The following PCDHGB3 variants were observed in gnomAD, a reference collection of about 807,000 sequenced individuals.
PCDHGB3 encodes protocadherin gamma subfamily B, 3.
In PCDHGB3, 40 loss-of-function variants were observed where a neutral mutation model predicts 59.2. That is an observed-to-expected ratio of 0.68 (90% confidence interval 0.52 to 0.88). The LOEUF is 0.88. PCDHGB3 is among the 40% of genes least tolerant of loss of function. The pLI, the probability that PCDHGB3 is intolerant of heterozygous loss-of-function variation, is 0.00. For synonymous variants in PCDHGB3, 581 were observed against 503.6 expected, an observed-to-expected ratio of 1.15 and a Z score of -2.06; for missense variants, 1,309 against 1,187.9, an observed-to-expected ratio of 1.10 and a Z score of -1.50.
At position 141,493,026 on chromosome 5, in the gene PCDHGB3, C is replaced by G. The variant is rs73280358; in HGVS notation, c.2416-1781C>G. Reference sequence around the variant, plus strand: ...TAGGCTCTGCCAGATGCCAGGGTGCCCTTATGTGTGAGGAAACTACAATAG... The same window carrying G: ...TAGGCTCTGCCAGATGCCAGGGTGCGCTTATGTGTGAGGAAACTACAATAG... On this transcript the variant is annotated intron_variant, in intron 1 of 3. Coordinates refer to ENST00000576222, the MANE Select transcript of PCDHGB3 (RefSeq NM_018924.5). This position sits in a 1 kb window ranked among gnomAD's most constrained non-coding sequence, Gnocchi z 4.3. 0.039 allele frequency among the ~76,000 whole-genome samples: 5,923 copies of G among 152,298 alleles called. 150 individuals are homozygous for G. The highest frequency in any genetic ancestry group is 0.077 in the South Asian group (370 of 4,822).
chr5:141,493,340 T>C lies in PCDHGB3; in HGVS notation c.2416-1467T>C, dbSNP rs889623993. Among the ~76,000 whole-genome samples, 1 of 152,202 alleles carries C rather than the reference T, an allele frequency of 6.6e-6. No homozygotes were observed. Among genetic ancestry groups the C allele is most frequent in the Admixed American group, 6.5e-5 (1 of 15,288 alleles). Reference sequence around the variant, plus strand: ...TTCTAACCCCTGTCTAACTCCAGAATGTGTGCTTTTAATTTCTTGGCACTT... The same window carrying C: ...TTCTAACCCCTGTCTAACTCCAGAACGTGTGCTTTTAATTTCTTGGCACTT... On this transcript the variant is annotated intron_variant, in intron 1 of 3. Coordinates refer to ENST00000576222, the MANE Select transcript of PCDHGB3 (RefSeq NM_018924.5). The surrounding 1 kb of genome is among the most constrained non-coding windows in gnomAD (Gnocchi z 4.3).
chr5:141,477,747 C>A lies in PCDHGB3; in HGVS notation c.2416-17060C>A. ...ACAGCTCATATCAGCGATGGGGGCA[C>A]CCCGGTCCTAGCCACCAACATCAGC... On this transcript the variant is annotated intron_variant, in intron 1 of 3. Coordinates refer to ENST00000576222, the MANE Select transcript of PCDHGB3 (RefSeq NM_018924.5). The surrounding 1 kb of genome is among the most constrained non-coding windows in gnomAD (Gnocchi z 4.9). 1.9e-6 allele frequency: 3 copies of A among 1,613,840 alleles called. No individual in the cohort carries two copies. The highest frequency in any genetic ancestry group is 2.5e-6 in the Non-Finnish European group (3 of 1,180,044).
At chr5:141,423,256 G>A (rs751894091) in intron 1 of PCDHGB3, 3 of 1,613,816 alleles carry the variant, frequency 1.9e-6, no homozygotes, top group South Asian at 2.2e-5. Context: ...GGCGGACCTC[G>A]GCAGCCTCGA....
rs1461617825 is a variant in PCDHGB3, at chr5:141,431,902, G to A, written c.2415+59093G>A. On this transcript the variant is annotated intron_variant, in intron 1 of 3. Coordinates refer to ENST00000576222, the MANE Select transcript of PCDHGB3 (RefSeq NM_018924.5). This position sits in a 1 kb window ranked among gnomAD's most constrained non-coding sequence, Gnocchi z 4.8. ...ACCAAGATTCTGAGGAAAACGGACA[G>A]GTGATCTGTTTCATCCAAGGAAATC... 1.2e-6 allele frequency: 2 copies of A among 1,613,764 alleles called. No homozygotes were observed. The highest frequency in any genetic ancestry group is 1.3e-5 in the African/African-American group (1 of 74,918).
rs187495695 is a variant in PCDHGB3, at chr5:141,486,508, T to G, written c.2416-8299T>G. The G allele has an allele frequency of 9.3e-6, 15 of 1,614,172 alleles. No homozygotes were observed. In the Admixed American group the frequency reaches 2.5e-4, roughly 27 times the overall value. The stretch of plus-strand genomic sequence containing the variant: ...CCCACAGAACTATTTTCCTCAATAT[T>G]TCAGATGTGAATGATAATCCACCCT... On this transcript the variant is annotated intron_variant, in intron 1 of 3. Coordinates refer to ENST00000576222, the MANE Select transcript of PCDHGB3 (RefSeq NM_018924.5). The surrounding 1 kb of genome is among the most constrained non-coding windows in gnomAD (Gnocchi z 5.0).
rs4042104 is a variant in PCDHGB3 at position 141,489,091 on chromosome 5, T to TAAG, written c.2416-5713_2416-5711dup. On this transcript the variant is annotated intron_variant, in intron 1 of 3. Transcript: ENST00000576222. This position sits in a 1 kb window ranked among gnomAD's most constrained non-coding sequence, Gnocchi z 4.5. Reference sequence around the variant, plus strand: ...CTGCCCACCCCCGCCACTCGGTGACTAAGAACTGCTGCAAGCAGGCAAACC... The same window carrying TAAG: ...CTGCCCACCCCCGCCACTCGGTGACTAAGAAGAACTGCTGCAAGCAGGCAAACC... 136,009 of 332,164 alleles carry TAAG rather than the reference T, an allele frequency of 0.41. 28,517 individuals are homozygous for TAAG. The highest frequency in any genetic ancestry group is 0.54 in the Admixed American group (11,651 of 21,676). The allele number at this position is 332,164 out of a possible 1,614,324, so 20.6% of individuals were successfully genotyped here.
chr5:141,432,685 C>T lies in PCDHGB3; in HGVS notation c.2415+59876C>T, dbSNP rs1561863583. 1 of 1,613,932 alleles carries T rather than the reference C, an allele frequency of 6.2e-7. No individual in the cohort carries two copies. The highest frequency in any genetic ancestry group is 1.7e-5 in the Admixed American group (1 of 60,020). ...ACAGAGACGCGCTCAAGCAGAGCCT[C>T]GTAGTGGCCGTCCAGGACCACGGCC... On this transcript the variant is annotated intron_variant, in intron 1 of 3. Coordinates refer to ENST00000576222, the MANE Select transcript of PCDHGB3 (RefSeq NM_018924.5). This position sits in a 1 kb window ranked among gnomAD's most constrained non-coding sequence, Gnocchi z 6.0.
intron 1 of PCDHGB3, among the ~76,000 whole-genome samples, chr5:141,402,117 A>G (rs1344939045): frequency 6.6e-6 from 1 of 152,172 alleles, no homozygotes; most frequent in Non-Finnish European, 1.5e-5. Context: ...AAATGTGAAA[A>G]TTTCCAACTT....
chr5:141,459,289 A>G (rs2098965378), intron 1 of PCDHGB3, among the ~76,000 whole-genome samples: 1 of 152,216 alleles, frequency 6.6e-6, no homozygotes, highest in Non-Finnish European at 1.5e-5. Flanking sequence ...ATCTAAATGG[A>G]ATCCTATAAC....
rs1023379892 is a variant in PCDHGB3 at position 141,475,927 on chromosome 5, G to T, written c.2416-18880G>T. 1.3e-4 allele frequency: 80 copies of T among 628,362 alleles called. No individual in the cohort carries two copies. In the African/African-American group the frequency reaches 1.4e-3, roughly 11 times the overall value. The allele number at this position is 628,362 out of a possible 1,614,324, so 38.9% of individuals were successfully genotyped here. ...CGGCCAATGAAGACGCTGGAGATCG[G>T]GCCCCTGCCCGTCCCCTTTCTGCGC... On this transcript the variant is annotated intron_variant, in intron 1 of 3. Coordinates refer to ENST00000576222, the MANE Select transcript of PCDHGB3 (RefSeq NM_018924.5).
At chr5:141,394,852 C>T in intron 1 of PCDHGB3, 1 of 1,613,838 alleles carries the variant, frequency 6.2e-7, no homozygotes, top group Non-Finnish European at 8.5e-7. Flanking sequence ...AGTCTGAAGC[C>T]TTCGGTCGAC....
chr5:141,423,671 T>C (rs773279181), intron 1 of PCDHGB3: 7 of 1,550,720 alleles, frequency 4.5e-6, no homozygotes, highest in Non-Finnish European at 5.2e-6. Context: ...GTGAGATTTA[T>C]TTCTCTGCCT....
rs553104661 is a variant in PCDHGB3 at position 141,460,009 on chromosome 5, C to T, written c.2416-34798C>T. ...AGGAGAATCGCTTGAACCCAGGAGG[C>T]GGAGGTTGCAGTGAGCCGAGACTGC... On this transcript the variant is annotated intron_variant, in intron 1 of 3. Coordinates refer to ENST00000576222, the MANE Select transcript of PCDHGB3 (RefSeq NM_018924.5). 9.9e-4 allele frequency among the ~76,000 whole-genome samples: 150 copies of T among 152,212 alleles called. 1 individual carries two copies. The highest frequency in any genetic ancestry group is 3.4e-3 in the Middle Eastern group (1 of 294).
intron 1 of PCDHGB3, chr5:141,387,669 T>A: frequency 1.4e-6 from 1 of 693,784 alleles, no homozygotes; most frequent in East Asian, 2.8e-5. Context: ...GCGCTCCAGA[T>A]CTCCTCGCGC....
At chr5:141,425,381 A>C (rs1374877185) in intron 1 of PCDHGB3, among the ~76,000 whole-genome samples, 3 of 152,194 alleles carry the variant, frequency 2.0e-5, no homozygotes, top group African/African-American at 7.2e-5. Flanking sequence ...GTTGATTCGG[A>C]GGTAGTGATA....
chr5:141,409,818 C>T (rs1027344375), intron 1 of PCDHGB3: 2 of 1,610,918 alleles, frequency 1.2e-6, no homozygotes, highest in Non-Finnish European at 1.7e-6. Context: ...GACCACGGCT[C>T]GCCCACGCTC....
At chr5:141,374,679 C>CAAGT (rs755200801) in intron 1 of PCDHGB3, 1 of 1,610,324 alleles carries the variant, frequency 6.2e-7, no homozygotes, top group Admixed American at 1.7e-5. Context: ...CTGGAGGGCA[C>CAAGT]ACTGGACCGG....
rs774563598 is a variant in PCDHGB3 at position 141,431,225 on chromosome 5, C to T, written c.2415+58416C>T. 16 of 1,614,118 alleles carry T rather than the reference C, an allele frequency of 9.9e-6. No individual in the cohort carries two copies. The highest frequency in any genetic ancestry group is 1.2e-5 in the Non-Finnish European group (14 of 1,180,036). On this transcript the variant is annotated intron_variant, in intron 1 of 3. Transcript: ENST00000576222. The surrounding 1 kb of genome is among the most constrained non-coding windows in gnomAD (Gnocchi z 4.8). ...CACTGAGATGCGGTTCCCTCTACCC[C>T]ACGCCTGGGATCCGGATATCGGGAA...
At position 141,486,190 on chromosome 5, in the gene PCDHGB3, T is replaced by A; in HGVS notation, c.2416-8617T>A. Reference sequence around the variant, plus strand: ...AGCAACATTGCAGCCTTCGAGTGGATCTGCTGGACGTAAATGACAATGCCC... The same window carrying A: ...AGCAACATTGCAGCCTTCGAGTGGAACTGCTGGACGTAAATGACAATGCCC... On this transcript the variant is annotated intron_variant, in intron 1 of 3. Transcript: ENST00000576222. The surrounding 1 kb of genome is among the most constrained non-coding windows in gnomAD (Gnocchi z 5.0). 1 of 1,614,122 alleles carries A rather than the reference T, an allele frequency of 6.2e-7. No individual in the cohort carries two copies. Among genetic ancestry groups the A allele is most frequent in the South Asian group, 1.1e-5 (1 of 91,070 alleles).
Sources: gnomAD v4.1 joint callset for allele counts (sites outside exome capture counted in the v4.1 genomes callset) on GRCh38, gnomAD v4.1.1 for gene constraint, Gnocchi (gnomAD v3.1) non-coding constraint, MANE v1.5 for transcripts, NCBI Gene and HGNC (gene_info 2026-07-23, HGNC 2026-07-21) for gene names.